The following ATRN variants were observed in gnomAD, a reference collection of about 807,000 sequenced individuals.
ATRN encodes the protein attractin.
A neutral mutation model predicts 178.7 loss-of-function variants in ATRN; 54 were observed. That is an observed-to-expected ratio of 0.30 (90% confidence interval 0.24 to 0.38). The LOEUF is 0.38. Among genes scored for constraint, ATRN ranks in the 10% least tolerant of loss-of-function variants. The pLI is 1.00. For missense variants in ATRN, 1,443 were observed against 1,815.1 expected, an observed-to-expected ratio of 0.79 and a Z score of 3.73; for synonymous variants, 636 against 663.0, an observed-to-expected ratio of 0.96 and a Z score of 0.63.
At chr20:3,571,561 CTTT>C (rs5839999) in intron 11 of ATRN, among the ~76,000 whole-genome samples, 9 of 142,626 alleles carry the variant, frequency 6.3e-5, no homozygotes, top group Non-Finnish European at 9.2e-5. Flanking sequence ...ATTTTTTGTG[CTTT>C]TTTTTTTTTT....
Position 3,562,293 on chromosome 20 carries a change from A to G in ATRN, c.1465A>G (p.Ile489Val), listed in dbSNP as rs201686279. The change falls in exon 9 of 29, where the codon ATA (isoleucine) becomes GTA (valine). Residue 489 changes from isoleucine to valine, a missense_variant. This residue lies in a region of ATRN where 862 missense variants were observed against 972.1 expected (regional missense o/e 0.89). Transcript: ENST00000262919. ...CTTTCCAGATAAGAACACATGGAGT[A>G]TATTACACACCCAGGGTGCCCTTGT... ...EYDLDKNTWS[I>V]LHTQGALVQG... 3.7e-6 allele frequency: 6 copies of G among 1,613,892 alleles called. No homozygotes were observed. Among genetic ancestry groups the G allele is most frequent in the Admixed American group, 3.3e-5 (2 of 60,002 alleles).
At chr20:3,547,184 C>A in intron 4 of ATRN, 100 bp from the exon 5 acceptor site, 1 of 959,654 alleles carries the variant, frequency 1.0e-6, no homozygotes, top group Non-Finnish European at 1.6e-6. Context: ...TGTGAATGAA[C>A]TGAGACAGTG....
At chr20:3,635,363 T>TAATAAATAAATAAATAAATAAATA (rs71331055) in intron 26 of ATRN, among the ~76,000 whole-genome samples, 1 of 149,158 alleles carries the variant, frequency 6.7e-6, no homozygotes, top group Non-Finnish European at 1.5e-5. Flanking sequence ...CCTATTGAAA[T>TAATAAATAAATAAATAAATAAATA]AATAAATAAA....
rs778037099 is a variant in ATRN, at chr20:3,650,482, G to C, written c.*3635G>C. 1 of 152,492 alleles carries C rather than the reference G, an allele frequency of 6.6e-6. No individual in the cohort carries two copies. The highest frequency in any genetic ancestry group is 1.9e-4 in the East Asian group (1 of 5,186). 9.4% of individuals were successfully genotyped at this position (152,492 alleles called of 1,614,324 possible). On this transcript the variant is annotated 3_prime_UTR_variant, in exon 29 of 29. Transcript: ENST00000262919. ...ATTGGCCATCCTGAGGACACAGCCA[G>C]GACGGCAGAGGCCTCCTGGCCTCAG... is the stretch of plus-strand genomic sequence containing the variant.
chr20:3,573,050 C>G, intron 12 of ATRN, 99 bp downstream of exon 12: 2 of 1,080,892 alleles, frequency 1.9e-6, no homozygotes, highest in Non-Finnish European at 2.6e-6. Flanking sequence ...TTATGTTTAC[C>G]TTATCCAAAA....
intron 18 of ATRN, among the ~76,000 whole-genome samples, chr20:3,586,054 A>G (rs2086352791): frequency 6.6e-6 from 1 of 152,210 alleles, no homozygotes; most frequent in Admixed American, 6.5e-5. Flanking sequence ...CTAGGTACAT[A>G]CCCAAGAAAA....
intron 3 of ATRN, among the ~76,000 whole-genome samples, chr20:3,542,552 CCCCCTTCCACCT>C (rs1394795206): frequency 1.5e-5 from 2 of 134,244 alleles, no homozygotes; most frequent in Non-Finnish European, 3.2e-5. Flanking sequence ...CCTTCCCCTT[CCCCCTTCCACCT>C]CCCCTTCCCC....
chr20:3,509,911 C>T (rs1568696308), intron 1 of ATRN, among the ~76,000 whole-genome samples: 1 of 152,196 alleles, frequency 6.6e-6, no homozygotes, highest in Non-Finnish European at 1.5e-5. Flanking sequence ...TAACATCTCA[C>T]TACATTTGCT....
chr20:3,607,316 A>G (rs1023162695), intron 24 of ATRN, among the ~76,000 whole-genome samples: 10 of 152,198 alleles, frequency 6.6e-5, no homozygotes, highest in African/African-American at 2.2e-4. Flanking sequence ...CATAATGACT[A>G]TTGTGCCATT....
intron 24 of ATRN, among the ~76,000 whole-genome samples, chr20:3,622,306 G>A (rs1274491236): frequency 1.3e-5 from 2 of 152,196 alleles, no homozygotes; most frequent in African/African-American, 4.8e-5. Context: ...TTCTTCAGTT[G>A]ATAACTGAAG....
chr20:3,629,773 GTTT>G (rs2086975630), intron 25 of ATRN, among the ~76,000 whole-genome samples: 1 of 152,184 alleles, frequency 6.6e-6, no homozygotes, highest in African/African-American at 2.4e-5. Context: ...TAGAATTACA[GTTT>G]TATTATACAG....
chr20:3,547,121 G>T (rs562144609), intron 4 of ATRN, among the ~76,000 whole-genome samples, 163 bp from the exon 5 acceptor site: 2 of 152,348 alleles, frequency 1.3e-5, no homozygotes, highest in East Asian at 3.9e-4. Flanking sequence ...CTCTAGCTAT[G>T]CAGTGTTGAG....
intron 14 of ATRN, among the ~76,000 whole-genome samples, chr20:3,578,223 T>G (rs1036606026): frequency 2.6e-5 from 4 of 152,182 alleles, no homozygotes; most frequent in Non-Finnish European, 5.9e-5. Flanking sequence ...ACCCCAGCCC[T>G]CCAATATGCA....
intron 1 of ATRN, among the ~76,000 whole-genome samples, chr20:3,525,910 A>G (rs2085357888): frequency 6.6e-6 from 1 of 152,214 alleles, no homozygotes; most frequent in Admixed American, 6.5e-5. Context: ...TCAAGATAAT[A>G]AGAGCTATGT....
At chr20:3,643,525 G>A (rs2087085013) in intron 27 of ATRN, among the ~76,000 whole-genome samples, 1 of 151,674 alleles carries the variant, frequency 6.6e-6, no homozygotes, top group Non-Finnish European at 1.5e-5. Flanking sequence ...AAAAGGAAAG[G>A]AAAGAAAAAG....
At chr20:3,599,970 A>G (rs1206255525) in intron 22 of ATRN, among the ~76,000 whole-genome samples, 3 of 152,248 alleles carry the variant, frequency 2.0e-5, no homozygotes, top group African/African-American at 7.2e-5. Flanking sequence ...TGCTATTAAA[A>G]TGATCAAAAC....
At chr20:3,592,479 T>C in intron 19 of ATRN, 1 of 984,630 alleles carries the variant, frequency 1.0e-6, no homozygotes, top group Non-Finnish European at 1.2e-6. Flanking sequence ...CAATAGGACA[T>C]TTTATTATGA....
At chr20:3,570,888 T>C (rs1044050320) in intron 11 of ATRN, among the ~76,000 whole-genome samples, 1 of 152,208 alleles carries the variant, frequency 6.6e-6, no homozygotes, top group African/African-American at 2.4e-5. Flanking sequence ...TTTCTAGGTT[T>C]TTTAAGAAGG....
At chr20:3,644,089 G>A (rs551973334) in intron 27 of ATRN, 65 bp from the exon 28 acceptor site, 15 of 1,223,046 alleles carry the variant, frequency 1.2e-5, no homozygotes, top group African/African-American at 4.5e-5. Context: ...ACAAATGACC[G>A]TTAAGTTGTC....
Sources: gnomAD v4.1 joint callset for allele counts (sites outside exome capture counted in the v4.1 genomes callset) on GRCh38, gnomAD v4.1.1 for gene constraint, gnomAD v4.1.1 regional missense constraint, MANE v1.5 for transcripts, NCBI Gene and HGNC (gene_info 2026-07-23, HGNC 2026-07-21) for gene names.